PLCB1: variants seen among roughly 807,000 people sequenced by gnomAD.
PLCB1 encodes 1-phosphatidylinositol 4,5-bisphosphate phosphodiesterase beta-1.
PLCB1 carries 46 observed loss-of-function variants against 161.8 expected under a neutral mutation model. The observed-to-expected ratio is 0.28, with a 90% CI of 0.22 to 0.36. The LOEUF (loss-of-function observed/expected upper bound fraction) is 0.36. Ranked by LOEUF, PLCB1 falls within the 10% of genes least tolerant of loss-of-function variation. PLCB1 has a pLI of 1.00. For synonymous variants in PLCB1, 517 were observed against 503.7 expected (o/e 1.03, Z -0.35); for missense variants, 1,016 against 1,472.5 (o/e 0.69, Z 5.07).
intron 2 of PLCB1, among the ~76,000 whole-genome samples, chr20:8,190,783 T>A (rs2051961779): frequency 6.6e-6 from 1 of 152,094 alleles, no homozygotes; most frequent in Admixed American, 6.6e-5. Context: ...GTTCACGTAT[T>A]CCTCTAAATG....
intron 31 of PLCB1, among the ~76,000 whole-genome samples, chr20:8,861,925 C>T (rs935555529): frequency 2.6e-5 from 4 of 152,044 alleles, no homozygotes; most frequent in African/African-American, 9.7e-5. Context: ...ATTAACTTGA[C>T]TTATTGGAAA....
At chr20:8,429,537 GT>G (rs2122572781) in intron 3 of PLCB1, among the ~76,000 whole-genome samples, 1 of 152,130 alleles carries the variant, frequency 6.6e-6, no homozygotes, top group South Asian at 2.1e-4. Context: ...AATACAAAAT[GT>G]CAGAGGTATC....
At chr20:8,381,965 T>G (rs6118187) in intron 3 of PLCB1, among the ~76,000 whole-genome samples, 1 of 152,142 alleles carries the variant, frequency 6.6e-6, no homozygotes, top group Non-Finnish European at 1.5e-5. Context: ...AGGTCTGCCC[T>G]GATCTTAGTT....
chr20:8,205,931 GA>G (rs1220271536), intron 2 of PLCB1, among the ~76,000 whole-genome samples: 1 of 151,556 alleles, frequency 6.6e-6, no homozygotes, highest in African/African-American at 2.4e-5. Context: ...GATAAAAATG[GA>G]AAAAATTAAA....
intron 3 of PLCB1, among the ~76,000 whole-genome samples, chr20:8,427,075 G>A (rs894473463): frequency 6.6e-6 from 1 of 151,960 alleles, no homozygotes; most frequent in African/African-American, 2.4e-5. Context: ...CCACATCTGG[G>A]TAATCTTGTA....
At chr20:8,155,193 T>G (rs1422572778) in intron 2 of PLCB1, among the ~76,000 whole-genome samples, 1 of 152,222 alleles carries the variant, frequency 6.6e-6, no homozygotes, top group African/African-American at 2.4e-5. Context: ...ATTTTCTGCC[T>G]TTCTTACTTT....
intron 3 of PLCB1, among the ~76,000 whole-genome samples, chr20:8,426,710 G>A (rs1979792213): frequency 1.3e-5 from 2 of 152,268 alleles, no homozygotes; most frequent in South Asian, 4.1e-4. Context: ...GACTCACAAA[G>A]TAACCATGTG....
chr20:8,644,258 C>T (rs970909509), intron 4 of PLCB1, among the ~76,000 whole-genome samples: 6 of 151,396 alleles, frequency 4.0e-5, no homozygotes, highest in African/African-American at 1.2e-4. Flanking sequence ...GGCCGCCCAT[C>T]GTCTGGGACA....
chr20:8,379,623 C>T, intron 3 of PLCB1, among the ~76,000 whole-genome samples: 1 of 152,242 alleles, frequency 6.6e-6, no homozygotes, highest in Middle Eastern at 3.4e-3. Flanking sequence ...ATTGTTTCTT[C>T]ACTTTTTAAT....
At chr20:8,430,559 G>A (rs1356404239) in intron 3 of PLCB1, among the ~76,000 whole-genome samples, 1 of 152,202 alleles carries the variant, frequency 6.6e-6, no homozygotes, top group East Asian at 1.9e-4. Context: ...GATGTTAGGA[G>A]GAAGACTGGT....
At chr20:8,848,963 A>T (rs1276552818) in intron 31 of PLCB1, among the ~76,000 whole-genome samples, 1 of 152,226 alleles carries the variant, frequency 6.6e-6, no homozygotes, top group African/African-American at 2.4e-5. Flanking sequence ...GGAATTTTTC[A>T]TGCTTTTCTA....
Position 8,470,540 on chromosome 20 carries a change from C to T in PLCB1, c.246+99090C>T, listed in dbSNP as rs77202486. 8.0e-3 allele frequency among the ~76,000 whole-genome samples: 1,220 copies of T among 152,160 alleles called. 21 individuals are homozygous for T. The highest frequency in any genetic ancestry group is 0.027 in the African/African-American group (1,136 of 41,530). On this transcript the variant is annotated intron_variant, in intron 3 of 31. Coordinates refer to ENST00000338037, the MANE Select transcript of PLCB1 (RefSeq NM_015192.4). ...AGCTTCTTGCATGTGCATTTGCTTACTTTGTTTTCTTTTTCCATCCTTTGA... is the reference window on the plus strand; with the variant it reads ...AGCTTCTTGCATGTGCATTTGCTTATTTTGTTTTCTTTTTCCATCCTTTGA...
At chr20:8,239,013 G>C (rs1406019023) in intron 2 of PLCB1, among the ~76,000 whole-genome samples, 2 of 151,926 alleles carry the variant, frequency 1.3e-5, no homozygotes, top group African/African-American at 4.8e-5. Context: ...AGAGCAAAAG[G>C]AAGCAGGAGA....
intron 2 of PLCB1, among the ~76,000 whole-genome samples, chr20:8,314,839 T>C (rs1371198015): frequency 1.3e-5 from 2 of 152,178 alleles, no homozygotes; most frequent in Non-Finnish European, 2.9e-5. Context: ...AGAGCTAGGC[T>C]ATTCCTATGA....
intron 1 of PLCB1, among the ~76,000 whole-genome samples, chr20:8,144,035 G>T (rs74798078): frequency 0.076 from 11,578 of 152,164 alleles, 599 homozygotes; most frequent in Non-Finnish European, 0.12. Context: ...GTCCCCTGGG[G>T]TGCAAAATTG....
intron 15 of PLCB1, among the ~76,000 whole-genome samples, 178 bp downstream of exon 15, chr20:8,722,599 A>T (rs1293277656): frequency 6.6e-6 from 1 of 152,290 alleles, no homozygotes; most frequent in South Asian, 2.1e-4. Context: ...TCCGGAGAAG[A>T]TATGGCGTTT....
At chr20:8,530,671 A>T (rs1427884880) in intron 3 of PLCB1, among the ~76,000 whole-genome samples, 4 of 152,242 alleles carry the variant, frequency 2.6e-5, no homozygotes, top group African/African-American at 9.6e-5. Context: ...CTCAATCAAA[A>T]TAGTACATTG....
chr20:8,680,288 G>A (rs539492684), intron 9 of PLCB1, among the ~76,000 whole-genome samples: 10 of 152,234 alleles, frequency 6.6e-5, no homozygotes, highest in Non-Finnish European at 1.5e-4. Flanking sequence ...TATATGGAAG[G>A]GATATCCTCA....
intron 2 of PLCB1, among the ~76,000 whole-genome samples, chr20:8,332,167 A>G (rs1385013788): frequency 6.6e-6 from 1 of 152,204 alleles, no homozygotes; most frequent in Admixed American, 6.5e-5. Flanking sequence ...TGGTATTTAA[A>G]TGAACATGAT....
Sources: gnomAD v4.1 joint callset for allele counts (sites outside exome capture counted in the v4.1 genomes callset) on GRCh38, gnomAD v4.1.1 for gene constraint, MANE v1.5 for transcripts, NCBI Gene and HGNC (gene_info 2026-07-23, HGNC 2026-07-21) for gene names.